PCSK9: variants seen among roughly 807,000 people sequenced by gnomAD.
PCSK9 encodes the protein convertase subtilisin/kexin type 9 preproprotein.
In PCSK9, 57 loss-of-function variants were observed where a neutral mutation model predicts 62.1. The observed-to-expected ratio is 0.92, with a 90% confidence interval of 0.74 to 1.14. The LOEUF (loss-of-function observed/expected upper bound fraction) is 1.14, where lower values mean the gene tolerates loss of function less well. Among genes scored for constraint, PCSK9 ranks in the 50% most tolerant of loss-of-function variants. The pLI is 0.00. For missense variants in PCSK9, 870 were observed against 959.8 expected (o/e 0.91, Z 1.24); for synonymous variants, 387 against 409.4 (o/e 0.95, Z 0.66).
chr1:55,055,641 G>A (rs1274666400), intron 5 of PCSK9, among the ~76,000 whole-genome samples: 1 of 152,164 alleles, frequency 6.6e-6, no homozygotes, highest in Admixed American at 6.5e-5. Context: ...GGCAGGCCAG[G>A]CAGGCTGGCA....
chr1:55,052,889 G>A (rs1644686840), intron 5 of PCSK9, 98 bp downstream of exon 5: 2 of 1,575,270 alleles, frequency 1.3e-6, no homozygotes, highest in Middle Eastern at 3.9e-4. Flanking sequence ...TCCTAACCAA[G>A]AATGCTGTGG....
rs1644789482 is a variant in PCSK9, at chr1:55,064,740, A to G, written c.*1156A>G. The G allele has an allele frequency of 6.6e-6, 1 of 152,152 alleles. No homozygotes were observed. Among genetic ancestry groups the G allele is most frequent in the African/African-American group, 2.4e-5 (1 of 41,420 alleles). The allele number at this position is 152,152 out of a possible 1,614,324, so 9.4% of individuals were successfully genotyped here. A position where few individuals can be genotyped will look rare whatever the true frequency, so the allele number is the denominator to read the frequency against. ...CCTCTCTGTTGCCTTTTTACAGCCA[A>G]CTTTTCTAGACCTGTTTTGCTTTTG... On this transcript the variant is annotated 3_prime_UTR_variant, in exon 12 of 12. Coordinates refer to ENST00000302118, the MANE Select transcript of PCSK9 (RefSeq NM_174936.4).
rs562480265 is a variant in PCSK9 at position 55,039,864 on chromosome 1, C to T, written c.27C>T (p.Ser9=). Residue 9 remains serine (S), a synonymous_variant, in exon 1 of 12, where the codon TCC becomes TCT. Coordinates refer to ENST00000302118, the MANE Select transcript of PCSK9 (RefSeq NM_174936.4). The part of the protein sequence containing the change: MGTVSSRR[S]WWPLPLLLLL... ...TGGGCACCGTCAGCTCCAGGCGGTC[C>T]TGGTGGCCGCTGCCACTGCTGCTGC... The T allele has an allele frequency of 1.7e-5, 26 of 1,562,332 alleles. 1 individual carries two copies. The African/African-American group carries it at 1.8e-4, about 11-fold the overall frequency.
At chr1:55,047,706 G>C (rs1189080665) in intron 3 of PCSK9, among the ~76,000 whole-genome samples, 1 of 152,196 alleles carries the variant, frequency 6.6e-6, no homozygotes, top group Non-Finnish European at 1.5e-5. Context: ...TGGTGGGCTG[G>C]GTGTGGAGAA....
intron 5 of PCSK9, among the ~76,000 whole-genome samples, chr1:55,054,527 G>C (rs992164860): frequency 1.3e-5 from 2 of 152,220 alleles, no homozygotes; most frequent in African/African-American, 4.8e-5. Flanking sequence ...TGAGATTCCA[G>C]CTCCATCCTT....
chr1:55,050,606 C>A (rs1049585868), intron 3 of PCSK9, among the ~76,000 whole-genome samples: 1 of 152,154 alleles, frequency 6.6e-6, no homozygotes, highest in Non-Finnish European at 1.5e-5. Flanking sequence ...AGCTTCCTGC[C>A]GAGACTGGAG....
chr1:55,052,715 G>A lies in PCSK9; in HGVS notation c.723G>A (p.Val241=). ...AGVVSGRDAG[V]AKGASMRSLR... ...TGGTCAGCGGCCGGGATGCCGGCGT[G>A]GCCAAGGGTGCCAGCATGCGCAGCC... The change falls in exon 5 of 12, where the codon GTG becomes GTA. Residue 241 remains valine (V), a synonymous_variant. Coordinates refer to ENST00000302118, the MANE Select transcript of PCSK9 (RefSeq NM_174936.4). 1.2e-6 allele frequency: 2 copies of A among 1,613,186 alleles called. No individual in the cohort carries two copies. Among genetic ancestry groups the A allele is most frequent in the Admixed American group, 1.7e-5 (1 of 60,022 alleles).
rs1220297401 is a variant in PCSK9, at chr1:55,064,381, G to A, written c.*797G>A. ...ACAGAGGAAGAAACCTGGAACCAGA[G>A]GGGGCGTGCCTGCCAAGCTCACACA... On this transcript the variant is annotated 3_prime_UTR_variant, in exon 12 of 12. Transcript: ENST00000302118. 6.6e-6 allele frequency: 1 copy of A among 152,316 alleles called. No homozygotes were observed. The highest frequency in any genetic ancestry group is 2.4e-5 in the African/African-American group (1 of 41,478). 9.4% of individuals were successfully genotyped at this position (152,316 alleles called of 1,614,324 possible).
At chr1:55,049,790 G>A (rs1644660222) in intron 3 of PCSK9, among the ~76,000 whole-genome samples, 1 of 152,216 alleles carries the variant, frequency 6.6e-6, no homozygotes, top group Non-Finnish European at 1.5e-5. Context: ...CCTGCACTTA[G>A]AAGGTGTGGG....
At chr1:55,043,793 G>T in intron 1 of PCSK9, 50 bp from the exon 2 acceptor site, 1 of 1,602,022 alleles carries the variant, frequency 6.2e-7, no homozygotes, top group African/African-American at 1.3e-5. Flanking sequence ...TACACCTAGG[G>T]TTTGCTGGGT....
At position 55,043,906 on chromosome 1, in the gene PCSK9, T is replaced by G. The variant is rs1469195933; in HGVS notation, c.271T>G (p.Ser91Ala). 3 of 1,614,202 alleles carry G rather than the reference T, an allele frequency of 1.9e-6. No individual in the cohort carries two copies. The Admixed American group carries it at 5.0e-5, about 27-fold the overall frequency. ...GAAGGAGGAGACCCACCTCTCGCAG[T>G]CAGAGCGCACTGCCCGCCGCCTGCA... ...VLKEETHLSQSERTARRLQAQ... is the reference protein window; with the variant it reads ...VLKEETHLSQAERTARRLQAQ... Residue 91 changes from serine (S) to alanine (A), a missense_variant, in exon 2 of 12, where the codon TCA becomes GCA. Transcript: ENST00000302118.
chr1:55,041,547 T>C (rs925760105), intron 1 of PCSK9, among the ~76,000 whole-genome samples: 1 of 152,222 alleles, frequency 6.6e-6, no homozygotes, highest in Non-Finnish European at 1.5e-5. Flanking sequence ...TGGTGGAAGT[T>C]TGGAACAGGA....
At chr1:55,046,392 C>G (rs1644635017) in intron 2 of PCSK9, 131 bp from the exon 3 acceptor site, 2 of 1,390,002 alleles carry the variant, frequency 1.4e-6, no homozygotes, top group East Asian at 4.6e-5. Flanking sequence ...GGGGCACTAG[C>G]AGGGACAAGG....
intron 3 of PCSK9, among the ~76,000 whole-genome samples, chr1:55,049,933 G>A (rs981773422): frequency 2.0e-5 from 3 of 152,236 alleles, no homozygotes; most frequent in African/African-American, 7.2e-5. Context: ...CCAAGCACGG[G>A]TGGGACCAGA....
In PCSK9 at chr1:55,063,559, C is replaced by T. The variant is rs992933965; in HGVS notation, c.2054C>T (p.Ala685Val). 31 of 1,612,536 alleles carry T rather than the reference C, an allele frequency of 1.9e-5. No homozygotes were observed. Among genetic ancestry groups the T allele is most frequent in the African/African-American group, 1.1e-4 (8 of 75,012 alleles). ...ATCTGCTGCCGGAGCCGGCACCTGG[C>T]GCAGGCCTCCCAGGAGCTCCAGTGA... ...VAICCRSRHLAQASQELQ is the reference protein window; with the variant it reads ...VAICCRSRHLVQASQELQ Residue 685 changes from alanine (A) to valine (V), a missense_variant, in exon 12 of 12, where the codon GCG becomes GTG. Coordinates refer to ENST00000302118, the MANE Select transcript of PCSK9 (RefSeq NM_174936.4).
intron 5 of PCSK9, 31 bp downstream of exon 5, chr1:55,052,822 T>C: frequency 3.1e-6 from 5 of 1,612,780 alleles, no homozygotes; most frequent in Non-Finnish European, 3.4e-6. Flanking sequence ...CTGGTCTCTC[T>C]CCATCTGGAC....
Position 55,040,007 on chromosome 1 carries a change from A to C in PCSK9, c.170A>C (p.Glu57Ala), listed in dbSNP as rs1172044227. Residue 57 changes from glutamate (E) to alanine (A), a missense_variant, in exon 1 of 12, where the codon GAG becomes GCG. Transcript: ENST00000302118. This position sits in a 1 kb window ranked among gnomAD's most constrained non-coding sequence, Gnocchi z 4.1. ...GAGGACGGCCTGGCCGAAGCACCCG[A>C]GCACGGAACCACAGCCACCTTCCAC... Reference protein sequence around the residue: ...SEEDGLAEAPEHGTTATFHRC... With the variant: ...SEEDGLAEAPAHGTTATFHRC... 6.3e-7 allele frequency: 1 copy of C among 1,577,338 alleles called. No individual in the cohort carries two copies. Among genetic ancestry groups the C allele is most frequent in the East Asian group, 2.3e-5 (1 of 42,818 alleles).
Position 55,058,571 on chromosome 1 carries a change from G to T in PCSK9, c.1427G>T (p.Arg476Leu). The change falls in exon 9 of 12, where the codon CGC becomes CTC. Residue 476 changes from arginine to leucine, a missense_variant. Transcript: ENST00000302118. ...GPTRMATAVA[R>L]CAPDEELLSC... ...ACACGGATGGCCACAGCCGTCGCCC[G>T]CTGCGCCCCAGATGAGGAGCTGCTG... 6.2e-7 allele frequency: 1 copy of T among 1,612,086 alleles called. No homozygotes were observed. The highest frequency in any genetic ancestry group is 8.5e-7 in the Non-Finnish European group (1 of 1,180,022).
At position 55,040,715 on chromosome 1, in the gene PCSK9, T is replaced by G. The variant is rs571486903; in HGVS notation, c.207+671T>G. Reference sequence around the variant, plus strand: ...TATTCTCGAGGCCCATTGGCGTCCTTTAGGACTCAGGCAGGGAAGGGCCCT... The same window carrying G: ...TATTCTCGAGGCCCATTGGCGTCCTGTAGGACTCAGGCAGGGAAGGGCCCT... On this transcript the variant is annotated intron_variant, in intron 1 of 11. Transcript: ENST00000302118. This position sits in a 1 kb window ranked among gnomAD's most constrained non-coding sequence, Gnocchi z 4.1. Among the ~76,000 whole-genome samples, 5 of 152,264 alleles carry G rather than the reference T, an allele frequency of 3.3e-5. No individual in the cohort carries two copies. The South Asian group carries it at 8.3e-4, about 25-fold the overall frequency.
Sources: gnomAD v4.1 joint callset for allele counts (sites outside exome capture counted in the v4.1 genomes callset) on GRCh38, gnomAD v4.1.1 for gene constraint, Gnocchi (gnomAD v3.1) non-coding constraint, MANE v1.5 for transcripts, NCBI Gene and HGNC (gene_info 2026-07-23, HGNC 2026-07-21) for gene names.